The following SELENBP1 variants were observed in gnomAD, a reference collection of about 807,000 sequenced individuals.
SELENBP1 encodes the protein methanethiol oxidase.
Under a neutral mutation model 61.0 loss-of-function variants are expected in SELENBP1, and 71 were observed. The ratio of observed to expected loss-of-function variants is 1.16; its 90% CI spans 0.96 to 1.42. The LOEUF (loss-of-function observed/expected upper bound fraction) is 1.42, where lower values mean the gene tolerates loss of function less well. Ranked by LOEUF, SELENBP1 falls within the 40% of genes most tolerant of loss-of-function variation. SELENBP1 has a pLI of 0.00. For missense variants in SELENBP1, 561 were observed against 605.0 expected, an observed-to-expected ratio of 0.93 and a Z score of 0.76; for synonymous variants, 270 against 238.9, an observed-to-expected ratio of 1.13 and a Z score of -1.20.
At chr1:151,365,153 C>G (rs1651733415) in intron 10 of SELENBP1, 36 bp downstream of exon 10, 2 of 1,597,910 alleles carry the variant, frequency 1.3e-6, no homozygotes, top group Admixed American at 3.4e-5. Context: ...AAGCATGGGT[C>G]TGAGGGGTCC....
chr1:151,369,629 G>A, intron 2 of SELENBP1, 75 bp from the exon 3 acceptor site: 2 of 1,547,928 alleles, frequency 1.3e-6, no homozygotes, highest in South Asian at 1.2e-5. Flanking sequence ...GTGTGCCAGA[G>A]GGTGGGGGCT....
chr1:151,365,382 C>G, intron 9 of SELENBP1, 101 bp from the exon 10 acceptor site: 1 of 1,453,010 alleles, frequency 6.9e-7, no homozygotes, highest in Non-Finnish European at 9.5e-7. Context: ...TCCTTTCAGA[C>G]ATGCTCTGCA....
intron 1 of SELENBP1, 85 bp from the exon 2 acceptor site, chr1:151,369,854 C>A: frequency 6.4e-7 from 1 of 1,551,532 alleles, no homozygotes; most frequent in South Asian, 1.2e-5. Context: ...CACATCCCAG[C>A]GGGCCACGGC....
rs1169030796 is a variant in SELENBP1 at position 151,368,328 on chromosome 1, G to A, written c.361-9C>T. ...TCCTTGGGCTCAATGACCTGGAAGG[G>A]GTGGGGAATGGTGTCAGAATCATAC... On this transcript the variant is annotated splice_polypyrimidine_tract_variant and intron_variant, in intron 4 of 11. Transcript: ENST00000368868. 1.9e-6 allele frequency: 3 copies of A among 1,613,670 alleles called. No individual in the cohort carries two copies. Among genetic ancestry groups the A allele is most frequent in the African/African-American group, 1.3e-5 (1 of 74,918 alleles).
At position 151,369,760 on chromosome 1, in the gene SELENBP1, C is replaced by CA; in HGVS notation, c.13dup (p.Cys5LeufsTer35). The CA allele has an allele frequency of 8.4e-6, 13 of 1,552,482 alleles. No homozygotes were observed. Among genetic ancestry groups the CA allele is most frequent in the Non-Finnish European group, 1.1e-5 (13 of 1,147,400 alleles). ...GGAGTAGCCGGGTCCACAATTCCCA[C>CA]ATTTCGTAGCTGTGGAAGCAATGGG... On this transcript the variant is annotated frameshift_variant, in exon 2 of 12. Coordinates refer to ENST00000368868, the MANE Select transcript of SELENBP1 (RefSeq NM_003944.4). LOFTEE classifies it high-confidence loss of function.
In SELENBP1 at chr1:151,366,266, G is replaced by A. The variant is rs371127500; in HGVS notation, c.843+9C>T. The stretch of plus-strand genomic sequence containing the variant: ...TACTGGGAGGGGAGGGCCAGAGGGC[G>A]TATGTCACCTCGTTCTTGTAGAAGC... On this transcript the variant is annotated intron_variant, in intron 7 of 11. Transcript: ENST00000368868. 3.5e-5 allele frequency: 57 copies of A among 1,610,874 alleles called. No homozygotes were observed. In the African/African-American group the frequency reaches 5.6e-4, roughly 16 times the overall value.
chr1:151,367,129 G>A, intron 5 of SELENBP1: 1 of 1,175,856 alleles, frequency 8.5e-7, no homozygotes, highest in African/African-American at 1.5e-5. Context: ...GATCACTTGA[G>A]GTCAGGAGTT....
chr1:151,366,713 G>T lies in SELENBP1; in HGVS notation c.664+9C>A, dbSNP rs1651838749. 6 of 1,611,792 alleles carry T rather than the reference G, an allele frequency of 3.7e-6. No homozygotes were observed. Among genetic ancestry groups the T allele is most frequent in the Middle Eastern group, 1.6e-4 (1 of 6,078 alleles). ...CAAGGCTCCTGCTGGCACATGGGGG[G>T]ATTCTCACCAGCCTCCACATCAGCG... On this transcript the variant is annotated intron_variant, in intron 6 of 11. Coordinates refer to ENST00000368868, the MANE Select transcript of SELENBP1 (RefSeq NM_003944.4).
At chr1:151,369,382 A>C in intron 3 of SELENBP1, 60 bp downstream of exon 3, 1 of 1,513,220 alleles carries the variant, frequency 6.6e-7, no homozygotes, top group Middle Eastern at 1.9e-4. Flanking sequence ...GGGGGGGCCC[A>C]GGGCCAGGGA....
chr1:151,370,888 G>C (rs1440368685), intron 1 of SELENBP1, among the ~76,000 whole-genome samples: 1 of 152,200 alleles, frequency 6.6e-6, no homozygotes, highest in Non-Finnish European at 1.5e-5. Flanking sequence ...ACTCCCACTC[G>C]CAGCAGCCAA....
chr1:151,365,110 G>T, intron 10 of SELENBP1, 66 bp from the exon 11 acceptor site: 1 of 1,584,304 alleles, frequency 6.3e-7, no homozygotes, highest in Non-Finnish European at 8.6e-7. Flanking sequence ...CCAACCCCAA[G>T]AGTATGCTCA....
At chr1:151,369,603 G>T in intron 2 of SELENBP1, 49 bp from the exon 3 acceptor site, 1 of 1,560,812 alleles carries the variant, frequency 6.4e-7, no homozygotes, top group South Asian at 1.2e-5. Context: ...GGAAGGAAAG[G>T]TAGGGGAAGT....
chr1:151,369,092 C>A lies in SELENBP1; in HGVS notation c.272G>T (p.Arg91Leu), dbSNP rs148749661. Residue 91 changes from arginine (R) to leucine (L), a missense_variant, in exon 4 of 12, where the codon CGC becomes CTC. Arg to Leu is a moderately radical substitution (Grantham distance 102). Transcript: ENST00000368868. The stretch of plus-strand genomic sequence containing the variant: ...GAGACTGGGCAGCACCAGCTTGGTG[C>A]GCGACTTGGTGCTATCACCGAAGCA... ...SSCFGDSTKS[R>L]TKLVLPSLIS... 1 of 1,614,004 alleles carries A rather than the reference C, an allele frequency of 6.2e-7. No homozygotes were observed. Among genetic ancestry groups the A allele is most frequent in the Non-Finnish European group, 8.5e-7 (1 of 1,180,002 alleles).
rs766127147 is a variant in SELENBP1, at chr1:151,364,971, G to T, written c.1211C>A (p.Ser404Ter). The T allele has an allele frequency of 6.2e-7, 1 of 1,613,878 alleles. No homozygotes were observed. The highest frequency in any genetic ancestry group is 8.5e-7 in the Non-Finnish European group (1 of 1,179,960). Reference protein sequence around the residue: ...LDGKRLYITTSLYSAWDKQFY... With the variant: ...LDGKRLYITT ...CTGCTTGTCCCAGGCACTGTACAGC[G>T]ACGTGGTGATGTAGAGGCGCTTCCC... Residue 404 changes from serine (S) to a stop codon, truncating the protein, a stop_gained, in exon 11 of 12, where the codon TCG (serine) becomes TAG (stop). Transcript: ENST00000368868. LOFTEE classifies it high-confidence loss of function.
At position 151,366,742 on chromosome 1, in the gene SELENBP1, T is replaced by C. The variant is rs1651841645; in HGVS notation, c.644A>G (p.Asn215Ser). The change falls in exon 6 of 12, where the codon AAC becomes AGC. Residue 215 changes from asparagine (N) to serine (S), a missense_variant. By Grantham distance (46) the Asn-to-Ser change is conservative (BLOSUM62 1). Transcript: ENST00000368868. ...AAPNVLRDGF[N>S]PADVEAGLYG... ...CTCACCAGCCTCCACATCAGCGGGG[T>C]TGAAGCCATCTCGTAAGACATTGGG... 1.2e-6 allele frequency: 2 copies of C among 1,613,938 alleles called. No individual in the cohort carries two copies. The highest frequency in any genetic ancestry group is 1.3e-5 in the African/African-American group (1 of 74,972).
At position 151,366,729 on chromosome 1, in the gene SELENBP1, C is replaced by T. The variant is rs766426535; in HGVS notation, c.657G>A (p.Val219=). 1.9e-6 allele frequency: 3 copies of T among 1,613,524 alleles called. No individual in the cohort carries two copies. Among genetic ancestry groups the T allele is most frequent in the Non-Finnish European group, 2.5e-6 (3 of 1,179,678 alleles). ...ACATGGGGGGATTCTCACCAGCCTC[C>T]ACATCAGCGGGGTTGAAGCCATCTC... The part of the protein sequence containing the change: ...VLRDGFNPAD[V]EAGLYGSHLY... Residue 219 remains valine, a synonymous_variant, in exon 6 of 12, where the codon GTG becomes GTA. Coordinates refer to ENST00000368868, the MANE Select transcript of SELENBP1 (RefSeq NM_003944.4).
intron 4 of SELENBP1, among the ~76,000 whole-genome samples, chr1:151,368,593 AAGCTC>A (rs1651976231): frequency 6.6e-6 from 1 of 152,134 alleles, no homozygotes; most frequent in Admixed American, 6.5e-5. Flanking sequence ...GTGAAACCAT[AAGCTC>A]CTCCCAGGCT....
intron 1 of SELENBP1, among the ~76,000 whole-genome samples, chr1:151,371,502 C>T (rs943454446): frequency 5.3e-4 from 81 of 151,512 alleles, no homozygotes; most frequent in African/African-American, 1.9e-3. Flanking sequence ...CGATGCCCAG[C>T]GAGAGGGCTG....
chr1:151,369,792 T>C (rs1261173188), intron 1 of SELENBP1, 23 bp from the exon 2 acceptor site: 2 of 1,551,816 alleles, frequency 1.3e-6, no homozygotes, highest in South Asian at 1.2e-5. Flanking sequence ...TGGGGCGCAT[T>C]GGCTGGGCCA....
Sources: gnomAD v4.1 joint callset for allele counts (sites outside exome capture counted in the v4.1 genomes callset) on GRCh38, gnomAD v4.1.1 for gene constraint, MANE v1.5 for transcripts, NCBI Gene and HGNC (gene_info 2026-07-23, HGNC 2026-07-21) for gene names.